The following GOPC variants were observed in gnomAD, a reference collection of about 807,000 sequenced individuals.
GOPC encodes Golgi-associated PDZ and coiled-coil motif-containing protein.
In GOPC, 32 loss-of-function variants were observed where a neutral mutation model predicts 51.2. That is an observed-to-expected ratio of 0.63 (90% CI 0.47 to 0.84). The LOEUF (loss-of-function observed/expected upper bound fraction) is 0.84. Among genes scored for constraint, GOPC ranks in the 40% least tolerant of loss-of-function variants. The pLI is 0.00. For synonymous variants in GOPC, 190 were observed against 205.1 expected (o/e 0.93, Z 0.63); for missense variants, 441 against 555.5 (o/e 0.79, Z 2.07).
intron 1 of GOPC, among the ~76,000 whole-genome samples, chr6:117,595,808 G>T (rs1780189073): frequency 1.3e-5 from 2 of 152,084 alleles, no homozygotes; most frequent in Admixed American, 6.5e-5. Flanking sequence ...TTGATTGATG[G>T]GTATTTGGGC....
intron 7 of GOPC, 66 bp from the exon 8 acceptor site, chr6:117,567,100 A>AT: frequency 8.0e-7 from 1 of 1,257,048 alleles, no homozygotes; most frequent in African/African-American, 1.5e-5. Context: ...GGATTTCCAA[A>AT]TTCTTTGTGG....
intron 1 of GOPC, among the ~76,000 whole-genome samples, chr6:117,590,242 A>G (rs1780096345): frequency 6.6e-6 from 1 of 152,204 alleles, no homozygotes; most frequent in African/African-American, 2.4e-5. Context: ...TGAATAAGAC[A>G]TGGATTCTAG....
rs1256338931 is a variant in GOPC, at chr6:117,560,701, AAC to A, written c.*2551_*2552del. ...AATGTTGCTTTTCCATCATATTCAT[AAC>A]AGAGATACTGTAGAAGAGAATTTTA... On this transcript the variant is annotated 3_prime_UTR_variant, in exon 9 of 9. Coordinates refer to ENST00000368498, the MANE Select transcript of GOPC (RefSeq NM_020399.4). 5.0e-6 allele frequency: 1 copy of A among 199,092 alleles called. No homozygotes were observed. The highest frequency in any genetic ancestry group is 1.0e-5 in the Non-Finnish European group (1 of 96,254). 12.3% of individuals were successfully genotyped at this position (199,092 alleles called of 1,614,324 possible). A position where few individuals can be genotyped will look rare whatever the true frequency, so the allele number is the denominator to read the frequency against.
chr6:117,571,553 C>CA (rs1349730640), intron 5 of GOPC, among the ~76,000 whole-genome samples: 1 of 152,038 alleles, frequency 6.6e-6, no homozygotes, highest in Non-Finnish European at 1.5e-5. Context: ...CAAAACAAAA[C>CA]AAAAAACCTT....
intron 1 of GOPC, among the ~76,000 whole-genome samples, chr6:117,584,845 C>T (rs911647889): frequency 2.0e-5 from 3 of 151,492 alleles, no homozygotes; most frequent in Non-Finnish European, 4.4e-5. Flanking sequence ...TCAGTTCATA[C>T]GAGATCTGGT....
chr6:117,566,373 T>C (rs1224523079), intron 8 of GOPC, among the ~76,000 whole-genome samples: 1 of 152,180 alleles, frequency 6.6e-6, no homozygotes, highest in East Asian at 1.9e-4. Flanking sequence ...CCTTAAAATA[T>C]GTCTAAATGA....
At position 117,570,840 on chromosome 6, in the gene GOPC, C is replaced by G; in HGVS notation, c.912+20G>C. On this transcript the variant is annotated intron_variant, in intron 6 of 8. Coordinates refer to ENST00000368498, the MANE Select transcript of GOPC (RefSeq NM_020399.4). ...TACTAGATAACTGTAGAAAATGATA[C>G]TGGAAGTACTACTTCTTACTGTAAT... is the stretch of plus-strand genomic sequence containing the variant. The G allele has an allele frequency of 2.6e-6, 3 of 1,175,516 alleles. No homozygotes were observed. Among genetic ancestry groups the G allele is most frequent in the Non-Finnish European group, 3.7e-6 (3 of 812,918 alleles). 72.8% of individuals were successfully genotyped at this position (1,175,516 alleles called of 1,614,324 possible).
At chr6:117,578,855 C>G in intron 2 of GOPC, 45 bp downstream of exon 2, 10 of 1,380,820 alleles carry the variant, frequency 7.2e-6, no homozygotes, top group Non-Finnish European at 9.7e-6. Flanking sequence ...TCCTGTACAC[C>G]CTGTAAAATA....
At chr6:117,576,055 T>C (rs1053856156) in intron 3 of GOPC, among the ~76,000 whole-genome samples, 6 of 152,146 alleles carry the variant, frequency 3.9e-5, no homozygotes, top group African/African-American at 1.4e-4. Flanking sequence ...GAATATATTT[T>C]GGTACTAATT....
intron 1 of GOPC, among the ~76,000 whole-genome samples, chr6:117,584,394 CTGAA>C (rs2114619279): frequency 6.6e-6 from 1 of 152,328 alleles, no homozygotes; most frequent in East Asian, 1.9e-4. Context: ...GAACTTCTGA[CTGAA>C]TGGCTTCAAG....
chr6:117,590,538 C>T (rs904440990), intron 1 of GOPC, among the ~76,000 whole-genome samples: 1 of 141,832 alleles, frequency 7.1e-6, no homozygotes, highest in Non-Finnish European at 1.5e-5. Flanking sequence ...TGTCACTACA[C>T]TCCAGCCTGG....
At chr6:117,599,824 A>C (rs1167044088) in intron 1 of GOPC, among the ~76,000 whole-genome samples, 1 of 152,256 alleles carries the variant, frequency 6.6e-6, no homozygotes, top group Non-Finnish European at 1.5e-5. Flanking sequence ...AAAGACAAAA[A>C]AAATGGAGCA....
chr6:117,578,885 C>A lies in GOPC; in HGVS notation c.450+15G>T. ...AAAATACATGCAAGGGCATGTCACT[C>A]TCTAAACTACTTACCAATTTTGCCT... On this transcript the variant is annotated intron_variant, in intron 2 of 8. Coordinates refer to ENST00000368498, the MANE Select transcript of GOPC (RefSeq NM_020399.4). 6.4e-7 allele frequency: 1 copy of A among 1,558,260 alleles called. No individual in the cohort carries two copies. Among genetic ancestry groups the A allele is most frequent in the Non-Finnish European group, 8.7e-7 (1 of 1,151,092 alleles).
intron 1 of GOPC, 113 bp downstream of exon 1, chr6:117,601,891 T>C: frequency 8.3e-7 from 1 of 1,200,538 alleles, no homozygotes; most frequent in South Asian, 1.5e-5. Flanking sequence ...CCATCACATT[T>C]GAAGCCCCGG....
At chr6:117,592,294 G>A (rs1780130244) in intron 1 of GOPC, among the ~76,000 whole-genome samples, 1 of 152,118 alleles carries the variant, frequency 6.6e-6, no homozygotes, top group Admixed American at 6.5e-5. Flanking sequence ...TTGAACCCAG[G>A]AGGCAGAGGT....
At position 117,582,755 on chromosome 6, in the gene GOPC, G is replaced by T. The variant is rs899440436; in HGVS notation, c.286-3691C>A. 4.3e-4 allele frequency among the ~76,000 whole-genome samples: 65 copies of T among 149,784 alleles called. 1 individual carries two copies. The highest frequency in any genetic ancestry group is 1.6e-3 in the African/African-American group (64 of 40,808). On this transcript the variant is annotated intron_variant, in intron 1 of 8. Transcript: ENST00000368498. Reference sequence around the variant, plus strand: ...ACCATCCTTCAATTCATGGATGAAGGATGGTCAATGCAGAGAATTTTATTG... The same window carrying T: ...ACCATCCTTCAATTCATGGATGAAGTATGGTCAATGCAGAGAATTTTATTG...
At chr6:117,575,141 C>G (rs1271604565) in intron 4 of GOPC, 36 bp downstream of exon 4, 1 of 1,463,048 alleles carries the variant, frequency 6.8e-7, no homozygotes, top group African/African-American at 1.4e-5. Context: ...TCCAATTTGT[C>G]ACTTAAGAGT....
chr6:117,576,178 CAT>C (rs528816069), intron 3 of GOPC, among the ~76,000 whole-genome samples: 255 of 152,058 alleles, frequency 1.7e-3, no homozygotes, highest in Admixed American at 3.5e-3. Flanking sequence ...TACACACACA[CAT>C]ACAAGCTAAA....
chr6:117,595,530 T>G (rs1780185003), intron 1 of GOPC, among the ~76,000 whole-genome samples: 1 of 152,174 alleles, frequency 6.6e-6, no homozygotes, highest in Non-Finnish European at 1.5e-5. Flanking sequence ...TGTGTCATCT[T>G]TTATCCCTCA....
Sources: gnomAD v4.1 joint callset for allele counts (sites outside exome capture counted in the v4.1 genomes callset) on GRCh38, gnomAD v4.1.1 for gene constraint, MANE v1.5 for transcripts, NCBI Gene and HGNC (gene_info 2026-07-23, HGNC 2026-07-21) for gene names.